The following FAM114A1 variants were observed in gnomAD, a reference collection of about 807,000 sequenced individuals.
FAM114A1 encodes the protein family with sequence similarity 114 member A1.
FAM114A1 carries 62 observed loss-of-function variants against 64.3 expected under a neutral mutation model. The ratio of observed to expected loss-of-function variants is 0.96; its 90% CI spans 0.79 to 1.19. The LOEUF (loss-of-function observed/expected upper bound fraction) is 1.19. FAM114A1 is among the 50% of genes most tolerant of loss of function. The pLI is 0.00. For missense variants in FAM114A1, 645 were observed against 676.3 expected, an observed-to-expected ratio of 0.95 and a Z score of 0.51; for synonymous variants, 254 against 251.1, an observed-to-expected ratio of 1.01 and a Z score of -0.11.
At chr4:38,894,193 G>T (rs537739438) in intron 4 of FAM114A1, among the ~76,000 whole-genome samples, 1 of 146,914 alleles carries the variant, frequency 6.8e-6, no homozygotes, top group East Asian at 2.0e-4. Context: ...AAAAAAGCAG[G>T]GTGTGATTTT....
intron 9 of FAM114A1, among the ~76,000 whole-genome samples, chr4:38,928,373 C>A (rs1720335370): frequency 6.6e-6 from 1 of 152,122 alleles, no homozygotes; most frequent in Non-Finnish European, 1.5e-5. Context: ...AATGGCATGG[C>A]CTTGCAGATA....
chr4:38,928,265 C>A (rs1164340692), intron 9 of FAM114A1, among the ~76,000 whole-genome samples: 1 of 152,154 alleles, frequency 6.6e-6, no homozygotes, highest in East Asian at 1.9e-4. Flanking sequence ...GTTCTGAGAT[C>A]ATGTAGTCAG....
intron 8 of FAM114A1, 29 bp downstream of exon 8, chr4:38,915,102 C>T: frequency 1.2e-6 from 2 of 1,607,100 alleles, no homozygotes; most frequent in Non-Finnish European, 1.7e-6. Flanking sequence ...TTTGAAATGG[C>T]ATGCTTAGTC....
chr4:38,912,146 C>T (rs2109706927), intron 7 of FAM114A1, among the ~76,000 whole-genome samples: 1 of 152,114 alleles, frequency 6.6e-6, no homozygotes, highest in South Asian at 2.1e-4. Context: ...CAGGCATGAG[C>T]CACCGCACCC....
At chr4:38,943,376 G>A (rs1217591353) in intron 14 of FAM114A1, 80 bp from the exon 15 acceptor site, 1 of 1,228,796 alleles carries the variant, frequency 8.1e-7, no homozygotes, top group East Asian at 2.4e-5. Flanking sequence ...GTTGAAGAGT[G>A]GGAACATTAT....
chr4:38,922,011 G>T (rs556250556), intron 8 of FAM114A1, among the ~76,000 whole-genome samples: 1 of 152,014 alleles, frequency 6.6e-6, no homozygotes, highest in Non-Finnish European at 1.5e-5. Context: ...GCGCGATCTC[G>T]GCTCACTGCA....
intron 3 of FAM114A1, among the ~76,000 whole-genome samples, chr4:38,887,740 A>T (rs1379842787): frequency 6.6e-6 from 1 of 152,246 alleles, no homozygotes. Context: ...ATCTTCCCAA[A>T]GTTGAATGAT....
In FAM114A1 at chr4:38,937,924, A is replaced by G. The variant is rs374784819; in HGVS notation, c.1536+2134A>G. Among the ~76,000 whole-genome samples, 107 of 151,976 alleles carry G rather than the reference A, an allele frequency of 7.0e-4. 1 individual carries two copies. In the South Asian group the frequency reaches 0.02, roughly 28 times the overall value. On this transcript the variant is annotated intron_variant, in intron 13 of 14. Coordinates refer to ENST00000358869, the MANE Select transcript of FAM114A1 (RefSeq NM_138389.4). ...TAATTTTTTTGTATTTTTAGTACAG[A>G]CAGGGTTTCACCATGTTGGCCAGGC...
intron 6 of FAM114A1, 21 bp from the exon 7 acceptor site, chr4:38,908,571 A>G: frequency 3.1e-6 from 5 of 1,588,486 alleles, no homozygotes; most frequent in Non-Finnish European, 4.3e-6. Flanking sequence ...ATCTAATCTC[A>G]TGCAGTTATC....
chr4:38,867,975 A>G, intron 1 of FAM114A1, 141 bp downstream of exon 1: 1 of 363,388 alleles, frequency 2.8e-6, no homozygotes, highest in Non-Finnish European at 5.6e-6. Flanking sequence ...CGTTAGTGAG[A>G]AGCAGTGGTC....
At chr4:38,925,429 A>G (rs1720016092) in intron 9 of FAM114A1, among the ~76,000 whole-genome samples, 1 of 152,180 alleles carries the variant, frequency 6.6e-6, no homozygotes. Flanking sequence ...GCAGTGGGGG[A>G]AATCCAGGAG....
At position 38,928,482 on chromosome 4, in the gene FAM114A1, G is replaced by T. The variant is rs184831641; in HGVS notation, c.1070-760G>T. Among the ~76,000 whole-genome samples the T allele has an allele frequency of 2.0e-5, 3 of 151,908 alleles. No homozygotes were observed. The East Asian group carries it at 5.8e-4, about 29-fold the overall frequency. On this transcript the variant is annotated intron_variant, in intron 9 of 14. Transcript: ENST00000358869. ...TTTATGATATTTGATATTTTAATAC[G>T]TATACTGTCTGTTATATATATTAAT...
chr4:38,888,079 G>A (rs749969049), intron 3 of FAM114A1, among the ~76,000 whole-genome samples: 1 of 151,946 alleles, frequency 6.6e-6, no homozygotes, highest in Admixed American at 6.6e-5. Context: ...AATGATAAAG[G>A]CCTTTGAATT....
At chr4:38,912,190 G>A (rs1407122592) in intron 7 of FAM114A1, among the ~76,000 whole-genome samples, 1 of 151,820 alleles carries the variant, frequency 6.6e-6, no homozygotes, top group African/African-American at 2.4e-5. Context: ...TAAATAACAC[G>A]GGGACAGGGG....
At chr4:38,868,089 G>T (rs772518769) in intron 1 of FAM114A1, 1 of 422,010 alleles carries the variant, frequency 2.4e-6, no homozygotes, top group South Asian at 1.7e-5. Flanking sequence ...GTCGCTCCGG[G>T]TCCACGCTCA....
chr4:38,921,079 C>T (rs1005603873), intron 8 of FAM114A1, among the ~76,000 whole-genome samples: 1 of 152,240 alleles, frequency 6.6e-6, no homozygotes, highest in Non-Finnish European at 1.5e-5. Context: ...AATATTAAAA[C>T]CTATTCCAAA....
At chr4:38,942,902 T>C (rs1721680069) in intron 14 of FAM114A1, among the ~76,000 whole-genome samples, 1 of 151,818 alleles carries the variant, frequency 6.6e-6, no homozygotes, top group African/African-American at 2.4e-5. Context: ...CACACACTGA[T>C]GGATCTTAAA....
In FAM114A1 at chr4:38,870,926, G is replaced by A. The variant is rs73148457; in HGVS notation, c.-9+2380G>A. On this transcript the variant is annotated intron_variant, in intron 2 of 14. Coordinates refer to ENST00000358869, the MANE Select transcript of FAM114A1 (RefSeq NM_138389.4). ...CCCCATCATGATAGCATCCACAGTC[G>A]ATAAAGTTCTACCAGAACAACCAAA... is the stretch of plus-strand genomic sequence containing the variant. Among the ~76,000 whole-genome samples the A allele has an allele frequency of 8.7e-3, 1,319 of 152,066 alleles. 17 individuals are homozygous for A. Among genetic ancestry groups the A allele is most frequent in the African/African-American group, 0.026 (1,085 of 41,476 alleles).
chr4:38,916,181 A>G (rs928358135), intron 8 of FAM114A1, among the ~76,000 whole-genome samples: 3 of 152,206 alleles, frequency 2.0e-5, no homozygotes, highest in Non-Finnish European at 4.4e-5. Context: ...GGATGGAGAC[A>G]TTGTCCCCTG....
Sources: gnomAD v4.1 joint callset for allele counts (sites outside exome capture counted in the v4.1 genomes callset) on GRCh38, gnomAD v4.1.1 for gene constraint, MANE v1.5 for transcripts, NCBI Gene and HGNC (gene_info 2026-07-23, HGNC 2026-07-21) for gene names.